Variants in CADM2 observed in about 807,000 individuals in gnomAD.
CADM2 encodes immunoglobulin superfamily member 4D.
In CADM2, 12 loss-of-function variants were observed where a neutral mutation model predicts 49.8. That is an observed-to-expected ratio of 0.24 (90% CI 0.15 to 0.39). The LOEUF is 0.39. Ranked by LOEUF, CADM2 falls within the 10% of genes least tolerant of loss-of-function variation. CADM2 has a pLI of 1.00. For missense variants in CADM2, 378 were observed against 492.3 expected (o/e 0.77, Z 2.20); for synonymous variants, 214 against 175.4 (o/e 1.22, Z -1.74).
At chr3:85,331,863 G>A (rs185208335) in intron 1 of CADM2, among the ~76,000 whole-genome samples, 1 of 152,036 alleles carries the variant, frequency 6.6e-6, no homozygotes. Context: ...CTGAAGAATT[G>A]TCCCAGTGTA....
chr3:85,880,946 T>G (rs1712666585), intron 3 of CADM2, among the ~76,000 whole-genome samples: 1 of 152,202 alleles, frequency 6.6e-6, no homozygotes, highest in African/African-American at 2.4e-5. Context: ...TTTGGAATGT[T>G]TTCAACCATT....
intron 1 of CADM2, among the ~76,000 whole-genome samples, chr3:85,128,942 C>T (rs1559678559): frequency 6.6e-6 from 1 of 152,150 alleles, no homozygotes; most frequent in Non-Finnish European, 1.5e-5. Context: ...ACATCAGATA[C>T]TGAGAGTTAA....
chr3:86,018,578 T>C (rs1006606760), intron 8 of CADM2, among the ~76,000 whole-genome samples: 7 of 152,208 alleles, frequency 4.6e-5, no homozygotes, highest in African/African-American at 1.7e-4. Context: ...TTCTAACTGG[T>C]GTGAGATGGC....
chr3:85,983,240 T>C (rs954144752), intron 8 of CADM2, among the ~76,000 whole-genome samples: 2 of 151,644 alleles, frequency 1.3e-5, no homozygotes, highest in Admixed American at 6.6e-5. Flanking sequence ...GTGTTTAAAA[T>C]GCATCCCTAT....
chr3:85,848,811 A>G (rs975418486), intron 3 of CADM2, among the ~76,000 whole-genome samples: 7 of 152,222 alleles, frequency 4.6e-5, no homozygotes, highest in Admixed American at 4.6e-4. Context: ...GAACAACTTC[A>G]TGTTACTGAC....
chr3:85,652,589 C>T (rs778546378), intron 1 of CADM2, among the ~76,000 whole-genome samples: 3 of 151,838 alleles, frequency 2.0e-5, no homozygotes, highest in Non-Finnish European at 4.4e-5. Context: ...ATGCCAGCAA[C>T]AAATACATAG....
intron 2 of CADM2, among the ~76,000 whole-genome samples, chr3:85,734,978 ATGTG>A (rs142565193): frequency 4.7e-5 from 7 of 148,328 alleles, no homozygotes; most frequent in Non-Finnish European, 8.9e-5. Flanking sequence ...AAATATATAT[ATGTG>A]TGTGTGTGTG....
intron 2 of CADM2, among the ~76,000 whole-genome samples, chr3:85,742,616 C>T (rs866805715): frequency 3.9e-5 from 6 of 152,086 alleles, no homozygotes; most frequent in African/African-American, 1.4e-4. Flanking sequence ...TTGGAGAAAT[C>T]ATGAAATATA....
At chr3:85,051,560 G>A (rs556757636) in intron 1 of CADM2, among the ~76,000 whole-genome samples, 3 of 152,194 alleles carry the variant, frequency 2.0e-5, no homozygotes, top group South Asian at 4.1e-4. Context: ...TGATTTGGCA[G>A]CATCTTAAGA....
intron 1 of CADM2, among the ~76,000 whole-genome samples, chr3:85,093,345 T>C (rs1293903887): frequency 1.3e-5 from 2 of 152,054 alleles, no homozygotes; most frequent in Non-Finnish European, 2.9e-5. Flanking sequence ...ACCCCACCTC[T>C]ACTAAAACTA....
At chr3:85,657,284 T>G (rs2065229094) in intron 1 of CADM2, among the ~76,000 whole-genome samples, 2 of 152,176 alleles carry the variant, frequency 1.3e-5, no homozygotes, top group Admixed American at 1.3e-4. Flanking sequence ...CAGCTTTGGT[T>G]TTCTTGTTGA....
intron 1 of CADM2, among the ~76,000 whole-genome samples, chr3:85,581,861 T>A (rs2062808972): frequency 6.6e-6 from 1 of 152,278 alleles, no homozygotes; most frequent in Middle Eastern, 3.4e-3. Context: ...GTTTTAAATA[T>A]ATAATGTGGT....
intron 2 of CADM2, among the ~76,000 whole-genome samples, chr3:85,760,001 C>T (rs1398246098): frequency 3.3e-5 from 5 of 151,842 alleles, no homozygotes; most frequent in South Asian, 2.1e-4. Context: ...GTAAAGAGAC[C>T]CCTCCAGTAC....
At chr3:86,058,474 T>TA (rs966736699) in intron 8 of CADM2, among the ~76,000 whole-genome samples, 1 of 152,104 alleles carries the variant, frequency 6.6e-6, no homozygotes, top group African/African-American at 2.4e-5. Flanking sequence ...ATGAGAAGGC[T>TA]AAAAAACCTG....
intron 1 of CADM2, among the ~76,000 whole-genome samples, chr3:85,569,228 T>C (rs535535188): frequency 4.5e-4 from 69 of 152,298 alleles, no homozygotes; most frequent in Non-Finnish European, 9.1e-4. Flanking sequence ...TCTTTTTTTT[T>C]CCTTCAGTGT....
intron 1 of CADM2, among the ~76,000 whole-genome samples, chr3:85,352,123 T>G (rs2107241189): frequency 6.6e-6 from 1 of 152,200 alleles, no homozygotes; most frequent in East Asian, 1.9e-4. Flanking sequence ...AAACTTATAT[T>G]TTAGTTTGTG....
At chr3:85,161,461 C>A (rs1172886270) in intron 1 of CADM2, among the ~76,000 whole-genome samples, 1 of 152,070 alleles carries the variant, frequency 6.6e-6, no homozygotes, top group East Asian at 1.9e-4. Context: ...AGCTCAGTTA[C>A]ATGTTATTCC....
intron 8 of CADM2, 69 bp downstream of exon 8, chr3:85,961,716 G>C: frequency 8.2e-7 from 1 of 1,214,250 alleles, no homozygotes; most frequent in Non-Finnish European, 1.1e-6. Flanking sequence ...AAATATATCA[G>C]AATTTTAAGT....
chr3:85,025,889 T>C (rs547370665), intron 1 of CADM2, among the ~76,000 whole-genome samples: 2 of 152,246 alleles, frequency 1.3e-5, no homozygotes, highest in South Asian at 2.1e-4. Context: ...GTAGCTCTTC[T>C]TTTAGTGGGT....
Sources: allele counts gnomAD v4.1 joint callset (sites outside exome capture counted in the v4.1 genomes callset), GRCh38; gene constraint gnomAD v4.1.1; transcripts MANE v1.5; gene names NCBI Gene and HGNC (gene_info 2026-07-23, HGNC 2026-07-21).